The following ANKRD17 variants were observed in gnomAD, a reference collection of about 807,000 sequenced individuals.
The protein encoded by ANKRD17 is ankyrin repeat domain 17.
In ANKRD17, 19 loss-of-function variants were observed where a neutral mutation model predicts 229.7. The ratio of observed to expected loss-of-function variants is 0.08; its 90% CI spans 0.06 to 0.12. ANKRD17 has a LOEUF of 0.12. Ranked by LOEUF, ANKRD17 falls within the 10% of genes least tolerant of loss-of-function variation. The pLI is 1.00. For synonymous variants in ANKRD17, 1,112 were observed against 1,146.1 expected, an observed-to-expected ratio of 0.97 and a Z score of 0.60; for missense variants, 2,176 against 3,176.8, an observed-to-expected ratio of 0.68 and a Z score of 7.57.
At chr4:73,241,282 A>G (rs1289342163) in intron 1 of ANKRD17, among the ~76,000 whole-genome samples, 1 of 152,182 alleles carries the variant, frequency 6.6e-6, no homozygotes, top group Non-Finnish European at 1.5e-5. Flanking sequence ...ATTCCCCTCA[A>G]TGAACCCATA....
intron 1 of ANKRD17, among the ~76,000 whole-genome samples, chr4:73,180,858 A>G (rs1735457700): frequency 6.6e-6 from 1 of 152,148 alleles, no homozygotes; most frequent in Non-Finnish European, 1.5e-5. Flanking sequence ...TTAGACCCCC[A>G]ATTCTGCTTA....
intron 1 of ANKRD17, 55 bp downstream of exon 1, chr4:73,258,221 G>A: frequency 1.9e-6 from 3 of 1,610,392 alleles, no homozygotes; most frequent in Admixed American, 1.7e-5. Context: ...CCCACCTTCG[G>A]CCCCTATCCC....
intron 15 of ANKRD17, among the ~76,000 whole-genome samples, chr4:73,135,513 G>A (rs1011611996): frequency 5.9e-5 from 9 of 151,984 alleles, no homozygotes; most frequent in African/African-American, 1.9e-4. Flanking sequence ...ATAAGCAGTC[G>A]TAAAACCTTA....
Position 73,139,801 on chromosome 4 carries a change from C to G in ANKRD17, c.2815G>C (p.Asp939His). 2 of 1,614,242 alleles carry G rather than the reference C, an allele frequency of 1.2e-6. No individual in the cohort carries two copies. The highest frequency in any genetic ancestry group is 1.7e-6 in the Non-Finnish European group (2 of 1,180,048). Residue 939 changes from aspartate (D) to histidine (H), a missense_variant, in exon 15 of 34, where the codon GAT becomes CAT. Asp to His is a moderately conservative substitution (Grantham distance 81, BLOSUM62 -1). This residue lies in a region of ANKRD17 where 230 missense variants were observed against 252.3 expected (regional missense o/e 0.91). Coordinates refer to ENST00000358602, the MANE Select transcript of ANKRD17 (RefSeq NM_032217.5). ...TGAGCAGCAGTCTGCTGGGGTTCAT[C>G]TTTAAGTAAAACAGGATCCACTTGC... is the stretch of plus-strand genomic sequence containing the variant. The part of the protein sequence containing the change: ...LQQVDPVLLK[D>H]EPQQTAAQMG...
chr4:73,228,073 C>T (rs1742682048), intron 1 of ANKRD17, among the ~76,000 whole-genome samples: 1 of 152,120 alleles, frequency 6.6e-6, no homozygotes, highest in African/African-American at 2.4e-5. Context: ...AACAATTCTA[C>T]CTCTTAAAAT....
intron 2 of ANKRD17, among the ~76,000 whole-genome samples, chr4:73,166,506 T>C (rs757123362): frequency 3.3e-5 from 5 of 152,204 alleles, no homozygotes; most frequent in Non-Finnish European, 7.3e-5. Context: ...CTCTCAAGCA[T>C]CCTTTCTCAA....
intron 1 of ANKRD17, among the ~76,000 whole-genome samples, chr4:73,217,194 C>T (rs1451527749): frequency 6.6e-6 from 1 of 152,208 alleles, no homozygotes; most frequent in African/African-American, 2.4e-5. Context: ...GTTCATTGGA[C>T]AACCGTGCCT....
chr4:73,125,395 A>G lies in ANKRD17; in HGVS notation c.3235-83T>C. The stretch of plus-strand genomic sequence containing the variant: ...TACATAATATGCAAACATATCAAAT[A>G]CACACAAATACATATGTACCACTCT... On this transcript the variant is annotated intron_variant, in intron 16 of 33. Transcript: ENST00000358602. 4 of 951,832 alleles carry G rather than the reference A, an allele frequency of 4.2e-6. No homozygotes were observed. The South Asian group carries it at 4.6e-5, about 11-fold the overall frequency. 59.0% of individuals were successfully genotyped at this position (951,832 alleles called of 1,614,324 possible). A position where few individuals can be genotyped will look rare whatever the true frequency, so the allele number is the denominator to read the frequency against.
chr4:73,138,269 C>A (rs1309558338), intron 15 of ANKRD17, among the ~76,000 whole-genome samples: 1 of 152,028 alleles, frequency 6.6e-6, no homozygotes, highest in Non-Finnish European at 1.5e-5. Flanking sequence ...AAGAGTCGTA[C>A]AATTCTTACT....
At chr4:73,251,332 C>A (rs1040878859) in intron 1 of ANKRD17, among the ~76,000 whole-genome samples, 1 of 152,058 alleles carries the variant, frequency 6.6e-6, no homozygotes, top group Non-Finnish European at 1.5e-5. Flanking sequence ...AACTCTACAT[C>A]CCTTCAGGAA....
chr4:73,216,602 T>C lies in ANKRD17; in HGVS notation c.394-39069A>G, dbSNP rs115963384. Among the ~76,000 whole-genome samples the C allele has an allele frequency of 2.8e-3, 434 of 152,346 alleles. 5 individuals carry two copies. Among genetic ancestry groups the C allele is most frequent in the African/African-American group, 0.01 (425 of 41,580 alleles). ...TGCAGATTACTTCATTTATTCCTTA[T>C]AAGCTGCTTATGAAGTGGGTACCTA... is the stretch of plus-strand genomic sequence containing the variant. On this transcript the variant is annotated intron_variant, in intron 1 of 33. Coordinates refer to ENST00000358602, the MANE Select transcript of ANKRD17 (RefSeq NM_032217.5).
intron 1 of ANKRD17, among the ~76,000 whole-genome samples, chr4:73,191,255 G>C (rs1424343105): frequency 1.3e-5 from 2 of 151,758 alleles, no homozygotes; most frequent in East Asian, 1.9e-4. Context: ...TTTCAAGTCA[G>C]TAGGAAAAAG....
intron 16 of ANKRD17, among the ~76,000 whole-genome samples, chr4:73,129,954 A>G (rs1480382542): frequency 1.3e-5 from 2 of 151,558 alleles, no homozygotes; most frequent in African/African-American, 4.8e-5. Context: ...TTTAGTAGAG[A>G]CAAGGTTTCA....
At chr4:73,085,099 T>C (rs1435196222) in intron 30 of ANKRD17, 150 bp downstream of exon 30, 2 of 802,912 alleles carry the variant, frequency 2.5e-6, no homozygotes, top group Non-Finnish European at 4.0e-6. Context: ...ATTCTAATCA[T>C]TTAAATACCT....
At chr4:73,085,893 A>C (rs1577998310) in intron 29 of ANKRD17, among the ~76,000 whole-genome samples, 1 of 151,676 alleles carries the variant, frequency 6.6e-6, no homozygotes, top group South Asian at 2.1e-4. Context: ...TGGGAGGCTG[A>C]GGTGGGAGGA....
chr4:73,101,936 T>G (rs942781108), intron 25 of ANKRD17, among the ~76,000 whole-genome samples: 1 of 152,050 alleles, frequency 6.6e-6, no homozygotes, highest in Non-Finnish European at 1.5e-5. Flanking sequence ...ATCTTTTCTT[T>G]TCTCTTTTTT....
intron 33 of ANKRD17, among the ~76,000 whole-genome samples, chr4:73,076,593 T>A (rs1721026932): frequency 1.3e-5 from 2 of 152,198 alleles, no homozygotes; most frequent in African/African-American, 4.8e-5. Flanking sequence ...TTTATGTGAA[T>A]TCTCAGAGTT....
chr4:73,203,770 A>G (rs1739023376), intron 1 of ANKRD17, among the ~76,000 whole-genome samples: 3 of 151,134 alleles, frequency 2.0e-5, no homozygotes, highest in Admixed American at 1.3e-4. Context: ...AAAAAAAAAA[A>G]AAAAAAAAAG....
chr4:73,217,655 T>C (rs1016794846), intron 1 of ANKRD17, among the ~76,000 whole-genome samples: 9 of 152,106 alleles, frequency 5.9e-5, no homozygotes, highest in African/African-American at 2.2e-4. Context: ...AGCCACTCAC[T>C]GCACCTAGCC....
Sources: allele counts gnomAD v4.1 joint callset (sites outside exome capture counted in the v4.1 genomes callset), GRCh38; gene constraint gnomAD v4.1.1; regional missense constraint gnomAD v4.1.1; transcripts MANE v1.5; gene names NCBI Gene and HGNC (gene_info 2026-07-23, HGNC 2026-07-21).